Variants in COL14A1 observed in about 807,000 individuals in gnomAD.
The protein encoded by COL14A1 is collagen type XIV alpha 1 chain.
A neutral mutation model predicts 230.3 loss-of-function variants in COL14A1; 136 were observed. That is an observed-to-expected ratio of 0.59 (90% CI 0.51 to 0.68). The LOEUF (loss-of-function observed/expected upper bound fraction) is 0.68. Ranked by LOEUF, COL14A1 falls within the 30% of genes least tolerant of loss-of-function variation. The probability of loss-of-function intolerance (pLI) is 0.00; values close to 1 mark genes in which losing one functional copy is unlikely to be tolerated. For missense variants in COL14A1, 1,976 were observed against 2,215.8 expected, an observed-to-expected ratio of 0.89 and a Z score of 2.17; for synonymous variants, 792 against 784.1, an observed-to-expected ratio of 1.01 and a Z score of -0.17.
At chr8:120,225,632 A>G (rs913182887) in intron 15 of COL14A1, among the ~76,000 whole-genome samples, 2 of 152,168 alleles carry the variant, frequency 1.3e-5, no homozygotes, top group African/African-American at 2.4e-5. Flanking sequence ...AGCTCAATAT[A>G]TCAGTCGATG....
chr8:120,354,259 G>A (rs1303921122), intron 45 of COL14A1, among the ~76,000 whole-genome samples: 2 of 99,512 alleles, frequency 2.0e-5, no homozygotes, highest in African/African-American at 8.1e-5. Context: ...GGGGAGGGGG[G>A]AGGGATAGCA....
chr8:120,236,892 G>A (rs913856899), intron 19 of COL14A1, among the ~76,000 whole-genome samples: 2 of 152,124 alleles, frequency 1.3e-5, no homozygotes, highest in African/African-American at 2.4e-5. Context: ...AGTTTGGCTG[G>A]ATATGAAATT....
chr8:120,301,505 C>G (rs1357795519), intron 36 of COL14A1, among the ~76,000 whole-genome samples: 1 of 152,062 alleles, frequency 6.6e-6, no homozygotes, highest in Non-Finnish European at 1.5e-5. Flanking sequence ...GCCTCCTGCT[C>G]CATCCATGTT....
intron 5 of COL14A1, among the ~76,000 whole-genome samples, chr8:120,177,309 G>A (rs533766473): frequency 6.6e-6 from 1 of 152,182 alleles, no homozygotes; most frequent in South Asian, 2.1e-4. Context: ...AAAAGTGGTG[G>A]CCTCAGAATT....
At chr8:120,203,361 G>T (rs992056440) in intron 8 of COL14A1, among the ~76,000 whole-genome samples, 1 of 150,124 alleles carries the variant, frequency 6.7e-6, no homozygotes. Context: ...GGTGGGGGGG[G>T]GTCCCAAGTG....
intron 19 of COL14A1, among the ~76,000 whole-genome samples, chr8:120,237,472 A>T (rs10085928): frequency 0.027 from 4,100 of 152,286 alleles, 91 homozygotes; most frequent in Non-Finnish European, 0.043. Context: ...GGTCATTTAT[A>T]TTCTTCTCTA....
intron 45 of COL14A1, among the ~76,000 whole-genome samples, chr8:120,360,809 G>T (rs1004565737): frequency 3.3e-5 from 5 of 152,268 alleles, no homozygotes; most frequent in Middle Eastern, 3.4e-3. Context: ...AGTTTATGTT[G>T]TTCGCCTTCT....
In COL14A1 at chr8:120,315,973, A is replaced by G. The variant is rs780619123; in HGVS notation, c.4635A>G (p.Gly1545=). ...TCCCAGGAGGCGTTGGTTCACCAGG[A>G]CGTGATGGCTCACCAGGCCAGAGGG... ...QGIPGGVGSP[G]RDGSPGQRGL... The change falls in exon 40 of 48, where the codon GGA becomes GGG. Residue 1545 remains glycine, a synonymous_variant. Coordinates refer to ENST00000297848, the MANE Select transcript of COL14A1 (RefSeq NM_021110.4). 5.6e-6 allele frequency: 9 copies of G among 1,613,948 alleles called. No homozygotes were observed. Among genetic ancestry groups the G allele is most frequent in the Non-Finnish European group, 7.6e-6 (9 of 1,179,980 alleles).
chr8:120,179,037 C>G (rs1816378935), intron 5 of COL14A1, among the ~76,000 whole-genome samples: 1 of 152,036 alleles, frequency 6.6e-6, no homozygotes, highest in Non-Finnish European at 1.5e-5. Context: ...CCTGTTCACT[C>G]TGATGATAGT....
intron 19 of COL14A1, among the ~76,000 whole-genome samples, chr8:120,236,383 CT>C (rs908021808): frequency 1.6e-4 from 24 of 151,380 alleles, no homozygotes; most frequent in African/African-American, 5.8e-4. Context: ...CCTTCTTTGT[CT>C]TTTTTGATCT....
At chr8:120,139,114 G>A (rs1814810085) in intron 1 of COL14A1, among the ~76,000 whole-genome samples, 1 of 152,170 alleles carries the variant, frequency 6.6e-6, no homozygotes, top group Non-Finnish European at 1.5e-5. Context: ...CTGTGGGTTG[G>A]GAGCATCCCA....
chr8:120,229,314 A>C (rs1325904701), intron 18 of COL14A1, among the ~76,000 whole-genome samples: 6 of 121,952 alleles, frequency 4.9e-5, no homozygotes, highest in Non-Finnish European at 7.9e-5. Flanking sequence ...TCCTGTGTCC[A>C]TGTGTTCTCA....
At chr8:120,200,747 ATATATATATATATATATATT>A (rs1261837946) in intron 8 of COL14A1, among the ~76,000 whole-genome samples, 34 of 69,528 alleles carry the variant, frequency 4.9e-4, no homozygotes, top group African/African-American at 1.7e-3. Flanking sequence ...ATATATATAT[ATATATATATATATATATATT>A]ATTTTTCATC....
At chr8:120,166,494 C>A (rs957534903) in intron 4 of COL14A1, among the ~76,000 whole-genome samples, 9 of 150,688 alleles carry the variant, frequency 6.0e-5, no homozygotes, top group Admixed American at 4.0e-4. Context: ...ACGGAAGTTT[C>A]TCTAAGTCTC....
In COL14A1 at chr8:120,306,352, G is replaced by A. The variant is rs1038391308; in HGVS notation, c.4402-3657G>A. On this transcript the variant is annotated intron_variant, in intron 36 of 47. Transcript: ENST00000297848. The stretch of plus-strand genomic sequence containing the variant: ...ATGTGAAAGGGAAGGGTTGAGCTTT[G>A]AATTGGAGGGGGAAGAAAGATGTAA... Among the ~76,000 whole-genome samples, 32 of 152,232 alleles carry A rather than the reference G, an allele frequency of 2.1e-4. No individual in the cohort carries two copies. The East Asian group carries it at 2.1e-3, about 10-fold the overall frequency.
chr8:120,283,052 T>C (rs1252449924), intron 31 of COL14A1, among the ~76,000 whole-genome samples: 1 of 152,078 alleles, frequency 6.6e-6, no homozygotes, highest in Non-Finnish European at 1.5e-5. Context: ...TGGCATGACC[T>C]TGGGAGAGGC....
At chr8:120,243,504 A>G (rs1415870533) in intron 19 of COL14A1, among the ~76,000 whole-genome samples, 1 of 152,198 alleles carries the variant, frequency 6.6e-6, no homozygotes, top group Non-Finnish European at 1.5e-5. Flanking sequence ...TACTTAAGTA[A>G]AATAAAAAAT....
At chr8:120,328,955 G>A (rs1478471884) in intron 40 of COL14A1, among the ~76,000 whole-genome samples, 5 of 152,070 alleles carry the variant, frequency 3.3e-5, no homozygotes, top group African/African-American at 1.2e-4. Context: ...TGTTGGCCAC[G>A]GGTCCTCTGT....
Position 120,158,260 on chromosome 8 carries a change from A to G in COL14A1, c.205+14A>G, listed in dbSNP as rs769376202. The stretch of plus-strand genomic sequence containing the variant: ...CTCCAACTTCAGGTAAAAACAATTG[A>G]CTTTGTTTTGTAGAGCATTAGCAAC... On this transcript the variant is annotated intron_variant, in intron 3 of 47. Transcript: ENST00000297848. The G allele has an allele frequency of 4.1e-6, 6 of 1,458,182 alleles. No homozygotes were observed. The East Asian group carries it at 1.4e-4, about 33-fold the overall frequency. The allele number at this position is 1,458,182 out of a possible 1,614,324, so 90.3% of individuals were successfully genotyped here. A position where few individuals can be genotyped will look rare whatever the true frequency, so the allele number is the denominator to read the frequency against.
Sources: gnomAD v4.1 joint callset for allele counts (sites outside exome capture counted in the v4.1 genomes callset) on GRCh38, gnomAD v4.1.1 for gene constraint, MANE v1.5 for transcripts, NCBI Gene and HGNC (gene_info 2026-07-23, HGNC 2026-07-21) for gene names.